The following CEMIP variants were observed in gnomAD, a reference collection of about 807,000 sequenced individuals.
The protein encoded by CEMIP is cell migration inducing hyaluronidase 1, also known as cell migration-inducing and hyaluronan-binding protein.
CEMIP carries 105 observed loss-of-function variants against 156.9 expected under a neutral mutation model. The ratio of observed to expected loss-of-function variants is 0.67; its 90% CI spans 0.57 to 0.79. CEMIP has a LOEUF of 0.79. Among genes scored for constraint, CEMIP ranks in the 30% least tolerant of loss-of-function variants. The pLI is 0.00. For missense variants in CEMIP, 1,457 were observed against 1,769.4 expected (o/e 0.82, Z 3.17); for synonymous variants, 676 against 668.4 (o/e 1.01, Z -0.17).
At chr15:80,804,475 C>T (rs1242609001) in intron 1 of CEMIP, among the ~76,000 whole-genome samples, 1 of 152,134 alleles carries the variant, frequency 6.6e-6, no homozygotes, top group East Asian at 1.9e-4. Flanking sequence ...GGCCATGTGA[C>T]CGGAGGAAGG....
chr15:80,943,721 G>C (rs1233144075), intron 28 of CEMIP, among the ~76,000 whole-genome samples: 1 of 152,052 alleles, frequency 6.6e-6, no homozygotes, highest in Non-Finnish European at 1.5e-5. Context: ...TCGCCTGCTG[G>C]TTCCCTCCAC....
At chr15:80,909,917 T>C (rs1396022232) in intron 14 of CEMIP, 2 of 293,356 alleles carry the variant, frequency 6.8e-6, no homozygotes, top group East Asian at 7.9e-5. Flanking sequence ...CCCCGCAAGC[T>C]GAATCTAGCA....
At chr15:80,914,990 G>A (rs1010594954) in intron 14 of CEMIP, among the ~76,000 whole-genome samples, 1 of 152,144 alleles carries the variant, frequency 6.6e-6, no homozygotes, top group East Asian at 1.9e-4. Context: ...CTGTCCTCTT[G>A]TGCTGAGTCA....
chr15:80,810,498 G>A (rs970352349), intron 1 of CEMIP, among the ~76,000 whole-genome samples: 1 of 152,186 alleles, frequency 6.6e-6, no homozygotes, highest in Admixed American at 6.5e-5. Flanking sequence ...CTCCCGAGTA[G>A]CTGGGACTAC....
chr15:80,842,130 T>C (rs540923529), intron 1 of CEMIP: 3 of 511,782 alleles, frequency 5.9e-6, no homozygotes, highest in Admixed American at 2.3e-5. Flanking sequence ...ACTCTTGGAA[T>C]AGAAACACGT....
At chr15:80,946,701 G>A (rs555914767) in intron 28 of CEMIP, 7 of 484,692 alleles carry the variant, frequency 1.4e-5, no homozygotes, top group Middle Eastern at 6.0e-4. Flanking sequence ...ACATGTAAAC[G>A]CGGTGAGCCA....
chr15:80,896,625 G>A (rs1019306255), intron 12 of CEMIP, among the ~76,000 whole-genome samples: 3 of 152,136 alleles, frequency 2.0e-5, no homozygotes, highest in African/African-American at 4.8e-5. Context: ...TAGATGTCCT[G>A]TAATTTATGT....
At chr15:80,870,996 C>T (rs1415717824) in intron 1 of CEMIP, among the ~76,000 whole-genome samples, 3 of 152,164 alleles carry the variant, frequency 2.0e-5, no homozygotes, top group Non-Finnish European at 2.9e-5. Flanking sequence ...GCATTGTTAG[C>T]TAACATGCAC....
chr15:80,895,971 T>C lies in CEMIP; in HGVS notation c.1322T>C (p.Ile441Thr). Residue 441 changes from isoleucine to threonine, a missense_variant, in exon 12 of 30, where the codon ATT (isoleucine) becomes ACT (threonine). Physicochemically the swap from Ile to Thr is moderately conservative, Grantham distance 89. Around this residue, in one of 5 missense-constraint regions of CEMIP, gnomAD observed 280 missense variants for 300.3 expected, o/e 0.93. Coordinates refer to ENST00000394685, the MANE Select transcript of CEMIP (RefSeq NM_001293298.2). The part of the protein sequence containing the change: ...QSWKPGDTLV[I>T]ASTDYSMYQA... ...TGGAAACCTGGAGATACCCTGGTCA[T>C]TGCCAGTACTGATTACTCCATGTAC... The C allele has an allele frequency of 6.2e-7, 1 of 1,614,182 alleles. No individual in the cohort carries two copies. Among genetic ancestry groups the C allele is most frequent in the Non-Finnish European group, 8.5e-7 (1 of 1,180,006 alleles).
At position 80,782,345 on chromosome 15, in the gene CEMIP, G is replaced by A. The variant is rs76738048; in HGVS notation, c.-176+2731G>A. 7.3e-4 allele frequency among the ~76,000 whole-genome samples: 111 copies of A among 152,268 alleles called. No individual in the cohort carries two copies. In the East Asian group the frequency reaches 0.02, roughly 28 times the overall value. ...TTTATGGAGTGGAACTTTGCCCAGG[G>A]GTTCACTGAGTGGTCATTGCCAAGC... On this transcript the variant is annotated intron_variant, in intron 1 of 29. Coordinates refer to ENST00000394685, the MANE Select transcript of CEMIP (RefSeq NM_001293298.2).
At chr15:80,880,315 A>G (rs758411731) in intron 5 of CEMIP, among the ~76,000 whole-genome samples, 29 of 152,238 alleles carry the variant, frequency 1.9e-4, no homozygotes, top group Admixed American at 2.0e-4. Context: ...AAAAATACAA[A>G]ACACTTAGAA....
chr15:80,947,284 G>T, intron 29 of CEMIP: 1 of 517,684 alleles, frequency 1.9e-6, no homozygotes, highest in Non-Finnish European at 3.5e-6. Context: ...ATTATAACTT[G>T]CCACCAGCCA....
chr15:80,811,730 A>C (rs1896675608), intron 1 of CEMIP, among the ~76,000 whole-genome samples: 1 of 151,884 alleles, frequency 6.6e-6, no homozygotes. Flanking sequence ...AATGTTTTCT[A>C]TGTCTTCGTA....
chr15:80,839,501 G>A (rs142438396), intron 1 of CEMIP, among the ~76,000 whole-genome samples: 238 of 152,254 alleles, frequency 1.6e-3, no homozygotes, highest in Non-Finnish European at 2.6e-3. Flanking sequence ...GCCAGCACCC[G>A]CAGCAGCAGC....
intron 1 of CEMIP, among the ~76,000 whole-genome samples, chr15:80,792,203 T>C (rs1012131560): frequency 2.0e-5 from 3 of 152,098 alleles, no homozygotes; most frequent in African/African-American, 7.2e-5. Flanking sequence ...ATCACCAATA[T>C]CTCCAAGATG....
At chr15:80,860,398 A>C (rs1897956790) in intron 1 of CEMIP, among the ~76,000 whole-genome samples, 1 of 152,196 alleles carries the variant, frequency 6.6e-6, no homozygotes, top group Non-Finnish European at 1.5e-5. Flanking sequence ...TATTAAGGAC[A>C]GTTGTAAGTC....
chr15:80,912,727 G>A (rs1283100203), intron 14 of CEMIP, among the ~76,000 whole-genome samples: 5 of 152,272 alleles, frequency 3.3e-5, no homozygotes, highest in South Asian at 2.1e-4. Context: ...TAAATGCTCC[G>A]CCACTGGGGC....
intron 14 of CEMIP, among the ~76,000 whole-genome samples, chr15:80,914,693 A>G (rs1900198305): frequency 6.6e-6 from 1 of 152,188 alleles, no homozygotes. Flanking sequence ...TTGAATTCAC[A>G]TTCTCAATTC....
chr15:80,868,324 A>G (rs912520456), intron 1 of CEMIP, among the ~76,000 whole-genome samples: 8 of 152,206 alleles, frequency 5.3e-5, no homozygotes, highest in Admixed American at 4.6e-4. Flanking sequence ...TACTCTTCCC[A>G]GTAAGCCTTG....
Sources: allele counts gnomAD v4.1 joint callset (sites outside exome capture counted in the v4.1 genomes callset), GRCh38; gene constraint gnomAD v4.1.1; regional missense constraint gnomAD v4.1.1; transcripts MANE v1.5; gene names NCBI Gene and HGNC (gene_info 2026-07-23, HGNC 2026-07-21).